Variants in NCAM2 observed in about 807,000 individuals in gnomAD.
NCAM2 encodes the protein N-CAM-2.
A neutral mutation model predicts 98.1 loss-of-function variants in NCAM2; 30 were observed. The observed-to-expected ratio is 0.31, with a 90% CI of 0.23 to 0.41. The LOEUF is 0.41. Ranked by LOEUF, NCAM2 falls within the 10% of genes least tolerant of loss-of-function variation. NCAM2 has a pLI of 1.00. For missense variants in NCAM2, 867 were observed against 1,005.8 expected (o/e 0.86, Z 1.87); for synonymous variants, 368 against 342.4 (o/e 1.07, Z -0.83).
Position 21,432,355 on chromosome 21 carries a change from G to A in NCAM2, c.1654+74G>A, listed in dbSNP as rs182884554. 2.3e-3 allele frequency: 3,045 copies of A among 1,326,360 alleles called. 10 individuals are homozygous for A. Among genetic ancestry groups the A allele is most frequent in the Non-Finnish European group, 2.5e-3 (2,444 of 965,158 alleles). 82.2% of individuals were successfully genotyped at this position (1,326,360 alleles called of 1,614,324 possible). Reference sequence around the variant, plus strand: ...GTATACCTGTATGATTGGCTTTTTCGGTTTCCTCCAACATTTTCTTTTCTT... The same window carrying A: ...GTATACCTGTATGATTGGCTTTTTCAGTTTCCTCCAACATTTTCTTTTCTT... On this transcript the variant is annotated intron_variant, in intron 12 of 17. Transcript: ENST00000400546.
chr21:21,371,291 G>A (rs1013339643), intron 8 of NCAM2, among the ~76,000 whole-genome samples: 9 of 151,778 alleles, frequency 5.9e-5, no homozygotes, highest in African/African-American at 2.2e-4. Flanking sequence ...CCTTTGGAGA[G>A]TGTTGGTTTT....
chr21:21,335,617 A>G lies in NCAM2; in HGVS notation c.850A>G (p.Thr284Ala), dbSNP rs1306638991. The G allele has an allele frequency of 5.0e-6, 8 of 1,610,982 alleles. No individual in the cohort carries two copies. The highest frequency in any genetic ancestry group is 6.8e-6 in the Non-Finnish European group (8 of 1,178,444). ...SDGGPYVCRA[T>A]NKAGEDEKQA... is the part of the protein sequence containing the mutation. ...TGGTGGTCCTTATGTCTGCAGGGCCACAAATAAGGCAGGAGAAGATGAAAA... is the reference window on the plus strand; with the variant it reads ...TGGTGGTCCTTATGTCTGCAGGGCCGCAAATAAGGCAGGAGAAGATGAAAA... The change falls in exon 7 of 18, where the codon ACA becomes GCA. Residue 284 changes from threonine (T) to alanine (A), a missense_variant. Transcript: ENST00000400546.
chr21:21,015,445 G>A (rs1478578180), intron 1 of NCAM2, among the ~76,000 whole-genome samples: 1 of 152,084 alleles, frequency 6.6e-6, no homozygotes, highest in East Asian at 1.9e-4. Flanking sequence ...ACCAGCTAAA[G>A]GATTAGGACC....
Position 21,258,707 on chromosome 21 carries a change from C to A in NCAM2, c.56-21871C>A, listed in dbSNP as rs575127311. 3.3e-5 allele frequency among the ~76,000 whole-genome samples: 5 copies of A among 152,088 alleles called. No homozygotes were observed. The East Asian group carries it at 9.7e-4, about 29-fold the overall frequency. On this transcript the variant is annotated intron_variant, in intron 1 of 17. Transcript: ENST00000400546. ...TGGCAGGCGCCATACTGTTTGTGCA[C>A]GCATGGTGGGCCACTGCCCTCCCCA...
intron 5 of NCAM2, among the ~76,000 whole-genome samples, chr21:21,301,567 G>A (rs1412204773): frequency 9.8e-6 from 1 of 102,416 alleles, no homozygotes; most frequent in African/African-American, 4.0e-5. Flanking sequence ...CCCAGAGTGT[G>A]ATATTCCCCT....
chr21:21,332,232 C>T (rs2074734862), intron 6 of NCAM2, among the ~76,000 whole-genome samples: 1 of 152,052 alleles, frequency 6.6e-6, no homozygotes, highest in African/African-American at 2.4e-5. Flanking sequence ...GGGTTCCAGA[C>T]ATTCAGAATT....
intron 15 of NCAM2, among the ~76,000 whole-genome samples, chr21:21,494,820 T>C (rs1987102247): frequency 6.6e-6 from 1 of 151,918 alleles, no homozygotes; most frequent in Non-Finnish European, 1.5e-5. Context: ...ATTAAAAGGA[T>C]ATTTTAAAAT....
chr21:21,011,958 C>T (rs559271595), intron 1 of NCAM2, among the ~76,000 whole-genome samples: 23 of 152,066 alleles, frequency 1.5e-4, no homozygotes, highest in African/African-American at 5.1e-4. Flanking sequence ...GGTAGATTGT[C>T]TGTTATAAAA....
intron 1 of NCAM2, among the ~76,000 whole-genome samples, chr21:21,188,013 A>G (rs955427655): frequency 6.6e-6 from 1 of 152,188 alleles, no homozygotes; most frequent in Non-Finnish European, 1.5e-5. Flanking sequence ...GAGGATATTC[A>G]TTTATTTGAC....
At chr21:21,078,914 C>T (rs1162596310) in intron 1 of NCAM2, among the ~76,000 whole-genome samples, 4 of 152,138 alleles carry the variant, frequency 2.6e-5, no homozygotes, top group African/African-American at 4.8e-5. Context: ...AAGCTATCAT[C>T]CTTAGCAAAC....
chr21:21,091,842 A>T lies in NCAM2; in HGVS notation c.55+93224A>T, dbSNP rs896530228. Among the ~76,000 whole-genome samples the T allele has an allele frequency of 1.7e-4, 26 of 152,242 alleles. 1 individual carries two copies. In the South Asian group the frequency reaches 2.1e-3, roughly 12 times the overall value. ...TTCAATATTAGAAAATAGTTTTTTTAAAAAATACTCTTCCTTTGACTTTTT... is the reference window on the plus strand; with the variant it reads ...TTCAATATTAGAAAATAGTTTTTTTTAAAAATACTCTTCCTTTGACTTTTT... On this transcript the variant is annotated intron_variant, in intron 1 of 17. Transcript: ENST00000400546.
At chr21:21,385,854 AAATTT>A (rs766380733) in intron 9 of NCAM2, 6 of 162,354 alleles carry the variant, frequency 3.7e-5, no homozygotes, top group African/African-American at 1.4e-4. Flanking sequence ...TTTTATGTAT[AAATTT>A]AATTTAACAG....
chr21:21,463,378 T>C (rs1185261423), intron 12 of NCAM2, among the ~76,000 whole-genome samples: 1 of 152,048 alleles, frequency 6.6e-6, no homozygotes, highest in African/African-American at 2.4e-5. Flanking sequence ...ATAATAAGAG[T>C]TATTGTATCA....
chr21:21,401,699 G>T (rs1428146329), intron 9 of NCAM2, among the ~76,000 whole-genome samples: 1 of 152,060 alleles, frequency 6.6e-6, no homozygotes, highest in Non-Finnish European at 1.5e-5. Flanking sequence ...ATCTACTGAT[G>T]CACATTTTAA....
rs201788749 is a variant in NCAM2, at chr21:21,264,784, A to ACACG, written c.56-15794_56-15793insCACG. Among the ~76,000 whole-genome samples the ACACG allele has an allele frequency of 3.8e-3, 126 of 33,586 alleles. 1 individual carries two copies. The highest frequency in any genetic ancestry group is 5.8e-3 in the Non-Finnish European group (103 of 17,646). 22.0% of individuals were successfully genotyped at this position (33,586 alleles called of 152,430 possible). ...TATATATTCCACTATATATATACAT[A>ACACG]TATATATATTCCACTATATATATAC... On this transcript the variant is annotated intron_variant, in intron 1 of 17. Coordinates refer to ENST00000400546, the MANE Select transcript of NCAM2 (RefSeq NM_004540.5).
At chr21:21,445,672 TC>T (rs1980015207) in intron 12 of NCAM2, among the ~76,000 whole-genome samples, 1 of 151,626 alleles carries the variant, frequency 6.6e-6, no homozygotes, top group African/African-American at 2.4e-5. Flanking sequence ...CTTTTTTTTT[TC>T]TTGGTAAATT....
intron 5 of NCAM2, among the ~76,000 whole-genome samples, chr21:21,296,827 G>T (rs1230628648): frequency 6.6e-6 from 1 of 151,692 alleles, no homozygotes; most frequent in Non-Finnish European, 1.5e-5. Context: ...GACTTCTAGT[G>T]TGGGTTTTAG....
chr21:21,425,017 C>A (rs2077183684), intron 11 of NCAM2, among the ~76,000 whole-genome samples: 1 of 97,936 alleles, frequency 1.0e-5, no homozygotes, highest in African/African-American at 4.1e-5. Flanking sequence ...GCCTGGGCGA[C>A]AAAAGCGGGA....
At chr21:21,474,697 C>CAGCT (rs1219741834) in intron 14 of NCAM2, among the ~76,000 whole-genome samples, 1 of 152,090 alleles carries the variant, frequency 6.6e-6, no homozygotes, top group African/African-American at 2.4e-5. Context: ...CAGGGACATG[C>CAGCT]AGCTGTCTGC....
Sources: allele counts gnomAD v4.1 joint callset (sites outside exome capture counted in the v4.1 genomes callset), GRCh38; gene constraint gnomAD v4.1.1; transcripts MANE v1.5; gene names NCBI Gene and HGNC (gene_info 2026-07-23, HGNC 2026-07-21).